GNAT2: variants seen among roughly 807,000 people sequenced by gnomAD.
GNAT2 encodes the protein G protein subunit alpha transducin 2, also known as guanine nucleotide-binding protein G(t) subunit alpha-2.
A neutral mutation model predicts 40.9 loss-of-function variants in GNAT2; 32 were observed. The observed-to-expected ratio is 0.78, with a 90% CI of 0.59 to 1.05. GNAT2 has a LOEUF of 1.05. Among genes scored for constraint, GNAT2 ranks in the 50% least tolerant of loss-of-function variants. GNAT2 has a pLI of 0.00. For synonymous variants in GNAT2, 141 were observed against 157.2 expected, an observed-to-expected ratio of 0.90 and a Z score of 0.77; for missense variants, 355 against 431.5, an observed-to-expected ratio of 0.82 and a Z score of 1.57.
intron 5 of GNAT2, chr1:109,607,281 CTCTACTA>C (rs1267117058): frequency 6.6e-6 from 1 of 151,974 alleles, no homozygotes; most frequent in Non-Finnish European, 1.5e-5. Context: ...GAAACCCCAT[CTCTACTA>C]AAAATACAAA....
At chr1:109,619,451 G>A (rs58720505) in intron 1 of GNAT2, 32 bp downstream of exon 1, 5,608 of 152,308 alleles carry the variant, frequency 0.037, 190 homozygotes, top group South Asian at 0.17. Context: ...ATGTGGGAAG[G>A]GGAGCCAGAA....
chr1:109,613,272 GTC>G (rs1015129339), intron 1 of GNAT2: 23 of 294,054 alleles, frequency 7.8e-5, no homozygotes, highest in Admixed American at 4.7e-5. Context: ...TCCCCTGAAA[GTC>G]TCTTGCTTCC....
intron 2 of GNAT2, chr1:109,611,009 G>T (rs992480003): frequency 5.4e-6 from 1 of 185,882 alleles, no homozygotes; most frequent in Non-Finnish European, 1.1e-5. Context: ...TCACCTTGCT[G>T]GTTCCCTTTT....
chr1:109,613,449 G>C (rs1318916982), intron 1 of GNAT2: 1 of 166,378 alleles, frequency 6.0e-6, no homozygotes, highest in African/African-American at 2.4e-5. Context: ...TGTTTTGGGT[G>C]GTGCCCTTCC....
chr1:109,606,347 A>T lies in GNAT2; in HGVS notation c.551T>A (p.Ile184Asn), dbSNP rs751633351. The change falls in exon 6 of 9, where the codon ATC (isoleucine) becomes AAC (asparagine). Residue 184 changes from isoleucine (I) to asparagine (N), a missense_variant. Ile to Asn is a moderately radical substitution (Grantham distance 149). Transcript: ENST00000679935. ...TTTGACGGAAAACTTGGTTTCAATG[A>T]TGCCCGTGGTTTTGACTCTGGATCG... ...VLRSRVKTTG[I>N]IETKFSVKDL... 4 of 1,613,344 alleles carry T rather than the reference A, an allele frequency of 2.5e-6. No individual in the cohort carries two copies. The Admixed American group carries it at 5.0e-5, about 20-fold the overall frequency.
At chr1:109,604,990 G>T (rs1649549074) in intron 7 of GNAT2, 1 of 152,226 alleles carries the variant, frequency 6.6e-6, no homozygotes, top group South Asian at 2.1e-4. Context: ...TAGGCTTAAA[G>T]ATGGGAAGTG....
At chr1:109,610,383 G>A in intron 3 of GNAT2, 82 bp downstream of exon 3, 12 of 1,405,800 alleles carry the variant, frequency 8.5e-6, no homozygotes, top group Non-Finnish European at 1.0e-5. Flanking sequence ...TGAGGCTAAA[G>A]AGCCTTTCAC....
rs1191004374 is a variant in GNAT2, at chr1:109,612,938, G to A, written c.-53-15C>T. 8.4e-6 allele frequency: 9 copies of A among 1,069,160 alleles called. No individual in the cohort carries two copies. Among genetic ancestry groups the A allele is most frequent in the Non-Finnish European group, 1.3e-5 (9 of 688,254 alleles). The allele number at this position is 1,069,160 out of a possible 1,614,324, so 66.2% of individuals were successfully genotyped here. On this transcript the variant is annotated splice_polypyrimidine_tract_variant and intron_variant, in intron 1 of 8. Coordinates refer to ENST00000679935, the MANE Select transcript of GNAT2 (RefSeq NM_001377295.2). The stretch of plus-strand genomic sequence containing the variant: ...CGTAAGGTTTCCTGTATGTGAGATG[G>A]AAGAGAAGGAAAAAAGTTGGGATTG...
rs376412882 is a variant in GNAT2 at position 109,606,328 on chromosome 1, G to A, written c.570C>T (p.Ser190=). The A allele has an allele frequency of 6.3e-5, 102 of 1,613,438 alleles. No individual in the cohort carries two copies. The South Asian group carries it at 8.7e-4, about 14-fold the overall frequency. Residue 190 remains serine, a synonymous_variant, in exon 6 of 9, where the codon TCC becomes TCT. Coordinates refer to ENST00000679935, the MANE Select transcript of GNAT2 (RefSeq NM_001377295.2). ...KTTGIIETKF[S]VKDLNFRMFD... is the part of the protein sequence containing the mutation. ...CTTACCTGAAATTCAAGTCTTTGAC[G>A]GAAAACTTGGTTTCAATGATGCCCG...
intron 3 of GNAT2, 114 bp downstream of exon 3, chr1:109,610,351 G>T: frequency 2.5e-6 from 3 of 1,222,358 alleles, no homozygotes; most frequent in South Asian, 2.4e-5. Flanking sequence ...ATTGGAATCA[G>T]ATCCTTTATA....
chr1:109,610,188 G>A lies in GNAT2; in HGVS notation c.162-7C>T. 6.2e-7 allele frequency: 1 copy of A among 1,613,930 alleles called. No individual in the cohort carries two copies. Among genetic ancestry groups the A allele is most frequent in the Non-Finnish European group, 8.5e-7 (1 of 1,179,838 alleles). ...GCCATCCTGGTGAATGATCCTGCAA[G>A]GGGCAGACACTCTGTCTTTAGCTGG... On this transcript the variant is annotated splice_polypyrimidine_tract_variant and splice_region_variant and intron_variant, in intron 3 of 8. Transcript: ENST00000679935.
chr1:109,604,391 T>C (rs1649530527), intron 7 of GNAT2: 2 of 431,038 alleles, frequency 4.6e-6, no homozygotes, highest in Admixed American at 7.0e-5. Flanking sequence ...TGTATGTATA[T>C]TGTCCATGAT....
chr1:109,609,876 G>A (rs1649737898), intron 4 of GNAT2, 164 bp downstream of exon 4: 2 of 739,816 alleles, frequency 2.7e-6, no homozygotes, highest in Admixed American at 3.7e-5. Context: ...AGGGCCTTGA[G>A]ATGGTATACA....
intron 5 of GNAT2, 61 bp from the exon 6 acceptor site, chr1:109,606,497 A>T: frequency 7.0e-7 from 1 of 1,419,524 alleles, no homozygotes; most frequent in Non-Finnish European, 1.0e-6. Flanking sequence ...AGAGACGTAA[A>T]AGGTATCTTA....
intron 5 of GNAT2, chr1:109,607,699 C>T (rs1649654126): frequency 6.6e-6 from 1 of 152,228 alleles, no homozygotes; most frequent in Non-Finnish European, 1.5e-5. Context: ...TGTAGTCAAG[C>T]AGCCCAATGC....
At position 109,603,944 on chromosome 1, in the gene GNAT2, CACTT is replaced by C. The variant is rs1649512806; in HGVS notation, c.874+3_874+6del. The C allele has an allele frequency of 6.3e-7, 1 of 1,588,582 alleles. No homozygotes were observed. Among genetic ancestry groups the C allele is most frequent in the Non-Finnish European group, 8.6e-7 (1 of 1,157,570 alleles). ...CATTATTATTATTTCCAGCCCCTGA[CACTT>C]ACCATCATACTCTGGAAAACAAATG... On this transcript the variant is annotated splice_donor_5th_base_variant and intron_variant, in intron 8 of 8. Transcript: ENST00000679935.
At chr1:109,604,545 G>A (rs1225015366) in intron 7 of GNAT2, 3 of 189,918 alleles carry the variant, frequency 1.6e-5, no homozygotes, top group Admixed American at 5.4e-5. Context: ...TCTCCAGGAT[G>A]ATTTTGATAG....
rs1439608073 is a variant in GNAT2, at chr1:109,606,502, A to G, written c.462-66T>C. On this transcript the variant is annotated intron_variant, in intron 5 of 8. Transcript: ENST00000679935. Reference sequence around the variant, plus strand: ...GACGAGGCTAAGAGACGTAAAAGGTATCTTACCCAAAGTCACACAGCTAAT... The same window carrying G: ...GACGAGGCTAAGAGACGTAAAAGGTGTCTTACCCAAAGTCACACAGCTAAT... The G allele has an allele frequency of 8.9e-6, 12 of 1,342,240 alleles. No individual in the cohort carries two copies. In the East Asian group the frequency reaches 1.6e-4, roughly 18 times the overall value. The allele number at this position is 1,342,240 out of a possible 1,614,324, so 83.1% of individuals were successfully genotyped here. A position where few individuals can be genotyped will look rare whatever the true frequency, so the allele number is the denominator to read the frequency against.
intron 8 of GNAT2, 31 bp from the exon 9 acceptor site, chr1:109,603,575 G>A: frequency 7.2e-7 from 1 of 1,391,400 alleles, no homozygotes. Context: ...TGAAAAAGTA[G>A]AATAAATGAA....
Sources: gnomAD v4.1 joint callset for allele counts on GRCh38, gnomAD v4.1.1 for gene constraint, MANE v1.5 for transcripts, NCBI Gene and HGNC (gene_info 2026-07-23, HGNC 2026-07-21) for gene names.